DGKA: variants seen among roughly 807,000 people sequenced by gnomAD.
DGKA encodes the protein 80 kDa diacylglycerol kinase.
Under a neutral mutation model 105.0 loss-of-function variants are expected in DGKA, and 35 were observed. The observed-to-expected ratio is 0.33, with a 90% CI of 0.25 to 0.44. The LOEUF (loss-of-function observed/expected upper bound fraction) is 0.44, where lower values mean the gene tolerates loss of function less well. Ranked by LOEUF, DGKA falls within the 20% of genes least tolerant of loss-of-function variation. The pLI is 1.00. For missense variants in DGKA, 665 were observed against 915.0 expected (o/e 0.73, Z 3.53); for synonymous variants, 296 against 332.0 (o/e 0.89, Z 1.18).
chr12:55,930,567 C>G (rs377373580), upstream of DGKA: 34 of 152,092 alleles, frequency 2.2e-4, no homozygotes, highest in African/African-American at 8.2e-4. Context: ...AGGTTTTCAC[C>G]GTGTTAGCCA....
intron 17 of DGKA, among the ~76,000 whole-genome samples, chr12:55,949,382 A>C (rs543367297): frequency 2.6e-5 from 4 of 152,160 alleles, no homozygotes; most frequent in African/African-American, 9.7e-5. Flanking sequence ...TATTTTTAGC[A>C]GAGACAGGGT....
At position 55,944,935 on chromosome 12, in the gene DGKA, G is replaced by A. The variant is rs191748511; in HGVS notation, c.1426+2672G>A. On this transcript the variant is annotated intron_variant, in intron 17 of 23. Coordinates refer to ENST00000331886, the MANE Select transcript of DGKA (RefSeq NM_001345.5). The stretch of plus-strand genomic sequence containing the variant: ...CTGCCTTACCCTCCCGAGTAGCTGG[G>A]ATTGCAGGTGTCCACCACCACATCC... 1.5e-4 allele frequency among the ~76,000 whole-genome samples: 23 copies of A among 152,264 alleles called. No individual in the cohort carries two copies. The East Asian group carries it at 3.9e-3, about 26-fold the overall frequency.
upstream of DGKA, chr12:55,927,619 G>A: frequency 1.4e-6 from 2 of 1,411,708 alleles, no homozygotes; most frequent in South Asian, 1.3e-5. Flanking sequence ...ACCCTAAGAA[G>A]GTGGGGAGGT....
chr12:55,932,434 C>G lies in DGKA; in HGVS notation c.-82+1090C>G. 3.0e-6 allele frequency: 2 copies of G among 667,334 alleles called. No homozygotes were observed. The highest frequency in any genetic ancestry group is 3.2e-5 in the South Asian group (2 of 62,362). The allele number at this position is 667,334 out of a possible 1,614,324, so 41.3% of individuals were successfully genotyped here. A position where few individuals can be genotyped will look rare whatever the true frequency, so the allele number is the denominator to read the frequency against. On this transcript the variant is annotated intron_variant, in intron 1 of 23. Transcript: ENST00000331886. The surrounding 1 kb of genome is among the most constrained non-coding windows in gnomAD (Gnocchi z 4.3). ...GTCCTCTTCGGAACCTCCACAGTGC[C>G]GCACGGGTGGAGAAGGGTTCTTGTT...
intron 1 of DGKA, 136 bp from the exon 2 acceptor site, chr12:55,936,287 G>T (rs142727493): frequency 2.1e-6 from 2 of 975,306 alleles, no homozygotes; most frequent in South Asian, 3.9e-5. Context: ...GGGAAAGGAA[G>T]ATGTTTAGGG....
In DGKA at chr12:55,952,173, T is replaced by G; in HGVS notation, c.1652+74T>G. 6.3e-7 allele frequency: 1 copy of G among 1,594,980 alleles called. No homozygotes were observed. Among genetic ancestry groups the G allele is most frequent in the Non-Finnish European group, 8.6e-7 (1 of 1,162,960 alleles). On this transcript the variant is annotated intron_variant, in intron 19 of 23. Coordinates refer to ENST00000331886, the MANE Select transcript of DGKA (RefSeq NM_001345.5). This position sits in a 1 kb window ranked among gnomAD's most constrained non-coding sequence, Gnocchi z 5.1. ...GGTTTTGACCAAGTTTGACTCAGAT[T>G]GCTCAGAAGAACAGTGGCACCTCTA...
chr12:55,928,546 C>CGG (rs1268157883), upstream of DGKA, among the ~76,000 whole-genome samples: 5 of 151,566 alleles, frequency 3.3e-5, no homozygotes, highest in African/African-American at 1.2e-4. Context: ...GGCGTGGTGG[C>CGG]GGGTGCCTGT....
rs936838104 is a variant in DGKA at position 55,952,644 on chromosome 12, A to G, written c.1744-90A>G. 5.3e-5 allele frequency: 78 copies of G among 1,472,660 alleles called. 1 individual carries two copies. The Middle Eastern group carries it at 8.9e-4, about 17-fold the overall frequency. The allele number at this position is 1,472,660 out of a possible 1,614,324, so 91.2% of individuals were successfully genotyped here. On this transcript the variant is annotated intron_variant, in intron 20 of 23. Transcript: ENST00000331886. This position sits in a 1 kb window ranked among gnomAD's most constrained non-coding sequence, Gnocchi z 5.1. ...CAAATCCTGCCTTCTCCAGTTTGTCATCTGGTGGAGGGAGCGATCACATCT... is the reference window on the plus strand; with the variant it reads ...CAAATCCTGCCTTCTCCAGTTTGTCGTCTGGTGGAGGGAGCGATCACATCT...
upstream of DGKA, chr12:55,927,841 G>A (rs1032556058): frequency 2.0e-6 from 3 of 1,503,664 alleles, no homozygotes; most frequent in African/African-American, 1.4e-5. Context: ...GGGATTCGGC[G>A]GCGAAGTGAT....
rs1883848150 is a variant in DGKA at position 55,932,678 on chromosome 12, G to C, written c.-82+1334G>C. 2 of 674,796 alleles carry C rather than the reference G, an allele frequency of 3.0e-6. No homozygotes were observed. Among genetic ancestry groups the C allele is most frequent in the Non-Finnish European group, 5.4e-6 (2 of 369,522 alleles). 41.8% of individuals were successfully genotyped at this position (674,796 alleles called of 1,614,324 possible). A position where few individuals can be genotyped will look rare whatever the true frequency, so the allele number is the denominator to read the frequency against. On this transcript the variant is annotated intron_variant, in intron 1 of 23. Transcript: ENST00000331886. The surrounding 1 kb of genome is among the most constrained non-coding windows in gnomAD (Gnocchi z 4.3). Reference sequence around the variant, plus strand: ...GTATCGTAACTTCCTCCTATACTACGCAATGACACCCTCTACACACACACA... The same window carrying C: ...GTATCGTAACTTCCTCCTATACTACCCAATGACACCCTCTACACACACACA...
upstream of DGKA, chr12:55,927,749 C>T: frequency 1.3e-6 from 2 of 1,539,608 alleles, no homozygotes; most frequent in African/African-American, 1.4e-5. Context: ...GCAGGGCTGC[C>T]GGCAGCTTCC....
Position 55,952,681 on chromosome 12 carries a change from A to G in DGKA, c.1744-53A>G. 3.1e-6 allele frequency: 5 copies of G among 1,591,724 alleles called. No individual in the cohort carries two copies. The highest frequency in any genetic ancestry group is 3.4e-6 in the Non-Finnish European group (4 of 1,160,842). On this transcript the variant is annotated intron_variant, in intron 20 of 23. Coordinates refer to ENST00000331886, the MANE Select transcript of DGKA (RefSeq NM_001345.5). The surrounding 1 kb of genome is among the most constrained non-coding windows in gnomAD (Gnocchi z 5.1). ...GAGCGATCACATCTATGATCATGCC[A>G]TGAGGTGAGGATCTGTACCCTCCCT...
chr12:55,940,750 G>T lies in DGKA; in HGVS notation c.1017+28G>T, dbSNP rs771123251. Reference sequence around the variant, plus strand: ...GAGACCCTCGGCAGCAGCGGGGAGGGGACAGGAGTGCCTCCCCGATTTCCC... The same window carrying T: ...GAGACCCTCGGCAGCAGCGGGGAGGTGACAGGAGTGCCTCCCCGATTTCCC... On this transcript the variant is annotated intron_variant, in intron 12 of 23. Transcript: ENST00000331886. The surrounding 1 kb of genome is among the most constrained non-coding windows in gnomAD (Gnocchi z 4.3). The T allele has an allele frequency of 2.5e-6, 4 of 1,606,644 alleles. No homozygotes were observed. The highest frequency in any genetic ancestry group is 3.4e-6 in the Non-Finnish European group (4 of 1,173,878).
upstream of DGKA, chr12:55,927,737 C>T (rs1170653041): frequency 3.9e-6 from 6 of 1,539,796 alleles, no homozygotes; most frequent in Non-Finnish European, 5.2e-6. Flanking sequence ...GTCTCCGTAG[C>T]CGCAGGGCTG....
upstream of DGKA, chr12:55,927,337 C>A: frequency 1.3e-6 from 1 of 750,938 alleles, no homozygotes; most frequent in Non-Finnish European, 2.3e-6. Context: ...GCGCTTGCTG[C>A]CTGTAAAACA....
chr12:55,930,133 G>A (rs1289934550), upstream of DGKA, among the ~76,000 whole-genome samples: 1 of 152,148 alleles, frequency 6.6e-6, no homozygotes, highest in Non-Finnish European at 1.5e-5. Context: ...AAGTAGCTCA[G>A]AGCAGAGAGG....
At chr12:55,944,696 G>C (rs1451842883) in intron 17 of DGKA, among the ~76,000 whole-genome samples, 1 of 152,222 alleles carries the variant, frequency 6.6e-6, no homozygotes, top group African/African-American at 2.4e-5. Flanking sequence ...ATAACTGATA[G>C]GTTGTGGAGA....
chr12:55,934,991 G>C (rs756994284), intron 1 of DGKA, among the ~76,000 whole-genome samples: 35 of 152,204 alleles, frequency 2.3e-4, no homozygotes, highest in Non-Finnish European at 5.0e-4. Context: ...TGTGAGGAGA[G>C]AGTGGAACAA....
rs999857955 is a variant in DGKA at position 55,932,605 on chromosome 12, ATC to A, written c.-82+1265_-82+1266del. The A allele has an allele frequency of 5.7e-6, 4 of 702,136 alleles. No homozygotes were observed. In the African/African-American group the frequency reaches 7.0e-5, roughly 12 times the overall value. The allele number at this position is 702,136 out of a possible 1,614,324, so 43.5% of individuals were successfully genotyped here. On this transcript the variant is annotated intron_variant, in intron 1 of 23. Transcript: ENST00000331886. The surrounding 1 kb of genome is among the most constrained non-coding windows in gnomAD (Gnocchi z 4.3). ...GGAAGAATGGCAAATATTACTGGGC[ATC>A]TCTTCAGCCTCAGCACAGACAAGCC...
Sources: allele counts gnomAD v4.1 joint callset (sites outside exome capture counted in the v4.1 genomes callset), GRCh38; gene constraint gnomAD v4.1.1; non-coding constraint Gnocchi (gnomAD v3.1); transcripts MANE v1.5; gene names NCBI Gene and HGNC (gene_info 2026-07-23, HGNC 2026-07-21).